The following ZNF385D variants were observed in gnomAD, a reference collection of about 807,000 sequenced individuals.
ZNF385D encodes the protein zinc finger protein 659.
A neutral mutation model predicts 35.8 loss-of-function variants in ZNF385D; 15 were observed. The ratio of observed to expected loss-of-function variants is 0.42; its 90% CI spans 0.28 to 0.64. The LOEUF (loss-of-function observed/expected upper bound fraction) is 0.64. Ranked by LOEUF, ZNF385D falls within the 30% of genes least tolerant of loss-of-function variation. The probability of loss-of-function intolerance (pLI) is 0.23; values close to 1 mark genes in which losing one functional copy is unlikely to be tolerated. For missense variants in ZNF385D, 474 were observed against 494.6 expected (o/e 0.96, Z 0.39); for synonymous variants, 212 against 186.8 (o/e 1.13, Z -1.10).
rs555574683 is a variant in ZNF385D, at chr3:22,038,142, A to AT, written c.325+130674_325+130675insA. On this transcript the variant is annotated intron_variant, in intron 3 of 5. Transcript: ENST00000494108. ...TGAACTCCATCTGGGTTTATTTGGCACCAACCTAGAGCAAATTGCTGAACT... is the reference window on the plus strand; with the variant it reads ...TGAACTCCATCTGGGTTTATTTGGCATCCAACCTAGAGCAAATTGCTGAACT... Among the ~76,000 whole-genome samples, 1,027 of 152,312 alleles carry AT rather than the reference A, an allele frequency of 6.7e-3. 5 individuals carry two copies. Among genetic ancestry groups the AT allele is most frequent in the Non-Finnish European group, 0.012 (817 of 68,022 alleles).
At chr3:22,063,897 A>C (rs1699809332) in intron 3 of ZNF385D, among the ~76,000 whole-genome samples, 1 of 152,214 alleles carries the variant, frequency 6.6e-6, no homozygotes, top group Admixed American at 6.5e-5. Context: ...TTTTGACAGC[A>C]GGACACCTTG....
intron 4 of ZNF385D, among the ~76,000 whole-genome samples, chr3:21,455,982 A>C (rs1702783059): frequency 6.6e-6 from 1 of 152,218 alleles, no homozygotes; most frequent in East Asian, 1.9e-4. Context: ...GACACATGAA[A>C]AAATGCTCAT....
intron 3 of ZNF385D, among the ~76,000 whole-genome samples, chr3:22,064,874 GGT>G (rs1320921032): frequency 6.6e-6 from 1 of 152,142 alleles, no homozygotes; most frequent in Non-Finnish European, 1.5e-5. Flanking sequence ...TGCACAGCAT[GGT>G]GATTACAGTA....
At chr3:22,206,208 A>T (rs752663855) in intron 2 of ZNF385D, among the ~76,000 whole-genome samples, 1 of 152,006 alleles carries the variant, frequency 6.6e-6, no homozygotes, top group Non-Finnish European at 1.5e-5. Context: ...ATGATAAAGG[A>T]ATAAATTTAT....
intron 2 of ZNF385D, among the ~76,000 whole-genome samples, chr3:21,567,625 T>C (rs75064036): frequency 6.6e-6 from 1 of 152,162 alleles, no homozygotes; most frequent in Admixed American, 6.6e-5. Flanking sequence ...TGCCTTATCA[T>C]GTTCTCTTGT....
intron 1 of ZNF385D, among the ~76,000 whole-genome samples, chr3:21,706,113 T>G (rs1161720354): frequency 1.3e-5 from 2 of 152,334 alleles, no homozygotes; most frequent in East Asian, 3.9e-4. Context: ...TAGTTACTCA[T>G]TGGTTACAGG....
intron 2 of ZNF385D, among the ~76,000 whole-genome samples, chr3:21,570,995 TTTTC>T (rs1307775729): frequency 4.6e-5 from 7 of 150,704 alleles, no homozygotes; most frequent in Non-Finnish European, 7.4e-5. Context: ...AGAAATTCCT[TTTTC>T]TTTAACTTTT....
intron 3 of ZNF385D, among the ~76,000 whole-genome samples, chr3:22,096,732 T>C (rs976587038): frequency 3.3e-5 from 5 of 152,082 alleles, no homozygotes; most frequent in Non-Finnish European, 7.4e-5. Context: ...CGCTGTTCTA[T>C]GTGTCATGGC....
At chr3:22,112,184 G>C (rs1039228962) in intron 3 of ZNF385D, among the ~76,000 whole-genome samples, 1 of 152,140 alleles carries the variant, frequency 6.6e-6, no homozygotes, top group Non-Finnish European at 1.5e-5. Flanking sequence ...TTGTTTAGCA[G>C]AGTATTATTT....
intron 3 of ZNF385D, among the ~76,000 whole-genome samples, chr3:21,564,176 A>G (rs1659392289): frequency 1.3e-5 from 2 of 152,194 alleles, no homozygotes; most frequent in Admixed American, 6.5e-5. Flanking sequence ...AAAAAAGTTT[A>G]TAAACTCAAA....
intron 3 of ZNF385D, among the ~76,000 whole-genome samples, chr3:21,977,055 T>C (rs150601186): frequency 1.6e-4 from 24 of 152,270 alleles, no homozygotes; most frequent in African/African-American, 4.1e-4. Context: ...AAACATGGTA[T>C]TGTACAAAAC....
chr3:21,869,094 G>A (rs1386375975), intron 3 of ZNF385D, among the ~76,000 whole-genome samples: 3 of 151,978 alleles, frequency 2.0e-5, no homozygotes, highest in Non-Finnish European at 4.4e-5. Flanking sequence ...TACAAAAGTT[G>A]TATGCTGCAT....
chr3:22,136,992 T>G (rs777434505), intron 3 of ZNF385D, among the ~76,000 whole-genome samples: 12 of 152,200 alleles, frequency 7.9e-5, no homozygotes, highest in Non-Finnish European at 1.3e-4. Context: ...TATATGATCA[T>G]GTAGTGGTGG....
chr3:21,965,405 G>C (rs1470742705), intron 3 of ZNF385D, among the ~76,000 whole-genome samples: 1 of 152,038 alleles, frequency 6.6e-6, no homozygotes, highest in Non-Finnish European at 1.5e-5. Context: ...ACATTTCCTA[G>C]ACATAACGTG....
At chr3:21,639,694 T>C (rs1298024028) in intron 2 of ZNF385D, among the ~76,000 whole-genome samples, 1 of 152,066 alleles carries the variant, frequency 6.6e-6, no homozygotes, top group East Asian at 1.9e-4. Context: ...ACACTGCCTA[T>C]GCATGATAGT....
intron 2 of ZNF385D, among the ~76,000 whole-genome samples, chr3:22,186,843 T>A (rs1342589635): frequency 6.6e-6 from 1 of 152,182 alleles, no homozygotes; most frequent in Non-Finnish European, 1.5e-5. Flanking sequence ...TGAAGGACAT[T>A]AATGAAAATG....
rs535110376 is a variant in ZNF385D at position 21,879,671 on chromosome 3, C to A, written c.326-214643G>T. Among the ~76,000 whole-genome samples, 3 of 152,092 alleles carry A rather than the reference C, an allele frequency of 2.0e-5. No homozygotes were observed. The East Asian group carries it at 5.8e-4, about 29-fold the overall frequency. ...AAAAATAGTCACAGAGGTCAGGAAT[C>A]ACTAAACATAAAATAAGCAGCTGTC... On this transcript the variant is annotated intron_variant, in intron 3 of 5. Transcript: ENST00000494108.
chr3:21,841,832 C>A (rs562084007), intron 3 of ZNF385D, among the ~76,000 whole-genome samples: 18 of 151,752 alleles, frequency 1.2e-4, no homozygotes, highest in African/African-American at 4.3e-4. Context: ...ATTCGCAATT[C>A]ATACATATTT....
chr3:22,151,765 A>G (rs1021323026), intron 3 of ZNF385D, among the ~76,000 whole-genome samples: 2 of 152,134 alleles, frequency 1.3e-5, no homozygotes, highest in Non-Finnish European at 2.9e-5. Context: ...ATTTGACCAA[A>G]TATCTGGGTG....
Sources: allele counts gnomAD v4.1 joint callset (sites outside exome capture counted in the v4.1 genomes callset), GRCh38; gene constraint gnomAD v4.1.1; transcripts MANE v1.5; gene names NCBI Gene and HGNC (gene_info 2026-07-23, HGNC 2026-07-21).